SLIT3: variants seen among roughly 807,000 people sequenced by gnomAD.
SLIT3 encodes slit guidance ligand 3, also known as slit homolog 3 protein.
SLIT3 carries 68 observed loss-of-function variants against 184.0 expected under a neutral mutation model. The observed-to-expected ratio is 0.37, with a 90% CI of 0.30 to 0.45. The LOEUF is 0.45. SLIT3 is among the 20% of genes least tolerant of loss of function. The pLI is 1.00. For missense variants in SLIT3, 1,707 were observed against 2,026.0 expected, an observed-to-expected ratio of 0.84 and a Z score of 3.02; for synonymous variants, 831 against 828.6, an observed-to-expected ratio of 1.00 and a Z score of -0.05.
chr5:169,138,394 A>G (rs1460190638), intron 4 of SLIT3, among the ~76,000 whole-genome samples: 1 of 152,102 alleles, frequency 6.6e-6, no homozygotes, highest in Non-Finnish European at 1.5e-5. Context: ...GGCTAAGGCT[A>G]GACTTTTCCT....
chr5:169,182,733 A>G (rs1763207234), intron 4 of SLIT3, among the ~76,000 whole-genome samples: 1 of 152,184 alleles, frequency 6.6e-6, no homozygotes, highest in Admixed American at 6.5e-5. Flanking sequence ...TGCTCACCTC[A>G]AAAGGTTGTT....
chr5:169,237,964 A>C (rs990499496), intron 3 of SLIT3, among the ~76,000 whole-genome samples: 1 of 152,200 alleles, frequency 6.6e-6, no homozygotes, highest in Non-Finnish European at 1.5e-5. Context: ...CTTGTTGAAA[A>C]GATTATTCCT....
chr5:168,754,054 T>C, intron 16 of SLIT3, 47 bp from the exon 17 acceptor site: 1 of 1,521,962 alleles, frequency 6.6e-7, no homozygotes, highest in South Asian at 1.2e-5. Context: ...GAGCAGATGG[T>C]CTTGATGCCG....
chr5:168,963,096 T>C (rs1026160707), intron 4 of SLIT3, among the ~76,000 whole-genome samples: 1 of 152,268 alleles, frequency 6.6e-6, no homozygotes, highest in African/African-American at 2.4e-5. Flanking sequence ...TGGCGAACTA[T>C]GGCCTACGGG....
chr5:168,796,028 T>C (rs2113604798), intron 9 of SLIT3, among the ~76,000 whole-genome samples: 1 of 152,310 alleles, frequency 6.6e-6, no homozygotes, highest in South Asian at 2.1e-4. Context: ...ACACTGCTAA[T>C]GGGGCAGAAA....
intron 4 of SLIT3, among the ~76,000 whole-genome samples, chr5:169,141,415 GTTTGT>G (rs200967898): frequency 1.5e-4 from 21 of 143,232 alleles, no homozygotes; most frequent in African/African-American, 3.9e-4. Context: ...TTTTTTTGTT[GTTTGT>G]TTTGTTTTTT....
Position 168,673,187 on chromosome 5 carries a change from G to A in SLIT3, c.3831C>T (p.Leu1277=). 2 of 1,613,722 alleles carry A rather than the reference G, an allele frequency of 1.2e-6. No individual in the cohort carries two copies. The highest frequency in any genetic ancestry group is 1.7e-6 in the Non-Finnish European group (2 of 1,179,838). ...GAAAGAGGGCATTACCTCCAAGGTA[G>A]AGGGGGCTGTTGATGCCCACTGCTG... is the stretch of plus-strand genomic sequence containing the variant. ...KQPAVGINSP[L]YLGGIPTSTG... The change falls in exon 33 of 36, where the codon CTC becomes CTT. Residue 1277 remains leucine, a synonymous_variant. Coordinates refer to ENST00000519560, the MANE Select transcript of SLIT3 (RefSeq NM_003062.4).
chr5:168,820,177 T>C (rs1245639102), intron 7 of SLIT3, among the ~76,000 whole-genome samples: 1 of 152,214 alleles, frequency 6.6e-6, no homozygotes, highest in African/African-American at 2.4e-5. Flanking sequence ...TTTTAATTAC[T>C]TTCAATAGTT....
intron 4 of SLIT3, among the ~76,000 whole-genome samples, chr5:169,086,099 C>A (rs984293486): frequency 2.0e-5 from 3 of 152,212 alleles, no homozygotes; most frequent in African/African-American, 4.8e-5. Flanking sequence ...CCAACGTGTC[C>A]TTCAGAAGCT....
intron 4 of SLIT3, among the ~76,000 whole-genome samples, chr5:168,916,713 G>A (rs1761447122): frequency 6.6e-6 from 1 of 152,216 alleles, no homozygotes; most frequent in Non-Finnish European, 1.5e-5. Context: ...CAATTCCATT[G>A]ATTTAGATCA....
intron 4 of SLIT3, among the ~76,000 whole-genome samples, chr5:168,918,251 T>C (rs1009157540): frequency 3.9e-5 from 6 of 152,336 alleles, no homozygotes; most frequent in Admixed American, 2.6e-4. Context: ...AAAATGAAGC[T>C]GCATTTAAAA....
chr5:168,689,275 G>T (rs893441183), intron 29 of SLIT3, among the ~76,000 whole-genome samples: 9 of 152,206 alleles, frequency 5.9e-5, no homozygotes, highest in African/African-American at 1.2e-4. Context: ...GAGGCAGCTG[G>T]TGCTGTAACC....
intron 29 of SLIT3, among the ~76,000 whole-genome samples, chr5:168,689,074 C>G (rs1433106026): frequency 6.6e-6 from 1 of 152,106 alleles, no homozygotes; most frequent in African/African-American, 2.4e-5. Flanking sequence ...CTCTCAATAC[C>G]AGCAAGTCTC....
intron 4 of SLIT3, among the ~76,000 whole-genome samples, chr5:169,167,397 C>T (rs1404920711): frequency 6.6e-6 from 1 of 150,714 alleles, no homozygotes; most frequent in Non-Finnish European, 1.5e-5. Context: ...GCCTCAGCCT[C>T]CCGAGTAGCT....
At chr5:168,795,297 G>A (rs1408498288) in intron 10 of SLIT3, among the ~76,000 whole-genome samples, 3 of 152,096 alleles carry the variant, frequency 2.0e-5, no homozygotes, top group Non-Finnish European at 2.9e-5. Flanking sequence ...GGCTCTTAGC[G>A]CTACATGTCC....
chr5:168,974,010 T>C (rs1257819705), intron 4 of SLIT3, among the ~76,000 whole-genome samples: 1 of 152,194 alleles, frequency 6.6e-6, no homozygotes, highest in Non-Finnish European at 1.5e-5. Context: ...TGAAATCATC[T>C]CATTCTCGTG....
chr5:168,972,858 G>A (rs959832027), intron 4 of SLIT3, among the ~76,000 whole-genome samples: 3 of 152,112 alleles, frequency 2.0e-5, no homozygotes, highest in South Asian at 2.1e-4. Flanking sequence ...CCTTCTGTTC[G>A]CAGGTCAAAT....
intron 26 of SLIT3, among the ~76,000 whole-genome samples, chr5:168,702,716 C>G (rs1449042293): frequency 6.7e-6 from 1 of 149,398 alleles, no homozygotes; most frequent in Non-Finnish European, 1.5e-5. Context: ...GATGATGATG[C>G]TTGGGGTCTG....
chr5:169,184,860 G>C (rs1368443922), intron 4 of SLIT3, among the ~76,000 whole-genome samples: 1 of 152,196 alleles, frequency 6.6e-6, no homozygotes, highest in East Asian at 1.9e-4. Context: ...ATTTTAACAA[G>C]ATCCTTAGGT....
Sources: allele counts gnomAD v4.1 joint callset (sites outside exome capture counted in the v4.1 genomes callset), GRCh38; gene constraint gnomAD v4.1.1; transcripts MANE v1.5; gene names NCBI Gene and HGNC (gene_info 2026-07-23, HGNC 2026-07-21).